Variants in GTF2IRD2 observed in about 807,000 individuals in gnomAD.
GTF2IRD2 encodes GTF2I repeat domain containing 2, also known as general transcription factor II-I repeat domain-containing protein 2A.
GTF2IRD2 carries 8 observed loss-of-function variants against 49.2 expected under a neutral mutation model. That is an observed-to-expected ratio of 0.16 (90% confidence interval 0.10 to 0.29). The LOEUF (loss-of-function observed/expected upper bound fraction) is 0.29, where lower values mean the gene tolerates loss of function less well. Among genes scored for constraint, GTF2IRD2 ranks in the 10% least tolerant of loss-of-function variants. The pLI is 1.00. For synonymous variants in GTF2IRD2, 47 were observed against 289.7 expected, an observed-to-expected ratio of 0.16 and a Z score of 8.51; for missense variants, 130 against 725.7, an observed-to-expected ratio of 0.18 and a Z score of 9.43.
At chr7:74,830,650 T>C (rs1428924402) in intron 3 of GTF2IRD2, among the ~76,000 whole-genome samples, 1 of 137,440 alleles carries the variant, frequency 7.3e-6, no homozygotes, top group African/African-American at 2.7e-5. Context: ...TTCTCACTTG[T>C]AAGTGGGAGC....
At chr7:74,799,960 T>G (rs1584383894) in intron 15 of GTF2IRD2, among the ~76,000 whole-genome samples, 1 of 119,304 alleles carries the variant, frequency 8.4e-6, no homozygotes, top group African/African-American at 3.3e-5. Context: ...GGCATGGCAG[T>G]GCTGTCCCAG....
chr7:74,821,864 T>C (rs1377294119), intron 6 of GTF2IRD2: 1 of 87,486 alleles, frequency 1.1e-5, no homozygotes, highest in African/African-American at 6.3e-5. Flanking sequence ...AATTTTTTTT[T>C]TTTAATAGCT....
rs1799210040 is a variant in GTF2IRD2, at chr7:74,824,646, C to A, written c.358+287G>T. On this transcript the variant is annotated intron_variant, in intron 4 of 15. Transcript: ENST00000451013. ...CGGTGGTTCACGCCTATAATCCCAGCATTTTGGGAGGCCAAGGCAGGCGGA... is the reference window on the plus strand; with the variant it reads ...CGGTGGTTCACGCCTATAATCCCAGAATTTTGGGAGGCCAAGGCAGGCGGA... Among the ~76,000 whole-genome samples, 2 of 32,796 alleles carry A rather than the reference C, an allele frequency of 6.1e-5. 1 individual carries two copies. The highest frequency in any genetic ancestry group is 4.3e-4 in the African/African-American group (2 of 4,618). 21.5% of individuals were successfully genotyped at this position (32,796 alleles called of 152,430 possible).
intron 2 of GTF2IRD2, among the ~76,000 whole-genome samples, chr7:74,834,825 C>G (rs1326311040): frequency 1.1e-5 from 1 of 91,528 alleles, no homozygotes; most frequent in Non-Finnish European, 1.9e-5. Context: ...CTTTCCATCT[C>G]AGCACCCCAA....
intron 15 of GTF2IRD2, among the ~76,000 whole-genome samples, chr7:74,800,135 CA>C (rs1174726035): frequency 8.0e-6 from 1 of 125,182 alleles, no homozygotes; most frequent in South Asian, 2.7e-4. Context: ...TATAAAAGAT[CA>C]AAAAATCATT....
chr7:74,830,522 C>T (rs1201907247), intron 3 of GTF2IRD2, among the ~76,000 whole-genome samples: 50 of 146,162 alleles, frequency 3.4e-4, no homozygotes, highest in East Asian at 1.8e-3. Flanking sequence ...AAAACAAAAA[C>T]GAAAAACCTG....
intron 1 of GTF2IRD2, among the ~76,000 whole-genome samples, chr7:74,842,651 T>C (rs1363340507): frequency 6.2e-5 from 9 of 145,628 alleles, no homozygotes; most frequent in Non-Finnish European, 1.0e-4. Flanking sequence ...CTTGACCTCC[T>C]GGGCTCAAGC....
Position 74,851,359 on chromosome 7 carries a change from G to A in GTF2IRD2, c.-6+8C>T, listed in dbSNP as rs1319445076. Reference sequence around the variant, plus strand: ...TGGCGGCGTCGGCGGCGGGGGCGGGGTACGCACCTGAGGGCGCTGGGCCGC... The same window carrying A: ...TGGCGGCGTCGGCGGCGGGGGCGGGATACGCACCTGAGGGCGCTGGGCCGC... On this transcript the variant is annotated splice_region_variant and intron_variant, in intron 1 of 15. Transcript: ENST00000451013. 2 of 47,640 alleles carry A rather than the reference G, an allele frequency of 4.2e-5. 1 individual carries two copies. Among genetic ancestry groups the A allele is most frequent in the Non-Finnish European group, 7.3e-5 (2 of 27,498 alleles). 3.0% of individuals were successfully genotyped at this position (47,640 alleles called of 1,614,324 possible).
chr7:74,796,591 C>T lies in GTF2IRD2; in HGVS notation c.*71G>A, dbSNP rs2131615906. 4.1e-6 allele frequency: 3 copies of T among 727,984 alleles called. No individual in the cohort carries two copies. Among genetic ancestry groups the T allele is most frequent in the Non-Finnish European group, 7.5e-6 (3 of 400,790 alleles). The allele number at this position is 727,984 out of a possible 1,614,324, so 45.1% of individuals were successfully genotyped here. A position where few individuals can be genotyped will look rare whatever the true frequency, so the allele number is the denominator to read the frequency against. ...AAGAAAAAAAAATTCATTTTGTCATCTCCCAATCCCTTGGGACTAGAAGAC... is the reference window on the plus strand; with the variant it reads ...AAGAAAAAAAAATTCATTTTGTCATTTCCCAATCCCTTGGGACTAGAAGAC... On this transcript the variant is annotated 3_prime_UTR_variant, in exon 16 of 16. Transcript: ENST00000451013.
In GTF2IRD2 at chr7:74,831,543, A is replaced by ACACACC. The variant is rs1204677476; in HGVS notation, c.238+1261_238+1262insGGTGTG. ...CACACACACACACACACACACACAC[A>ACACACC]CCCTTATACCCTCTGACGAACCTTT... On this transcript the variant is annotated intron_variant, in intron 3 of 15. Coordinates refer to ENST00000451013, the MANE Select transcript of GTF2IRD2 (RefSeq NM_173537.5). 1.0e-3 allele frequency among the ~76,000 whole-genome samples: 145 copies of ACACACC among 140,862 alleles called. 1 individual carries two copies. In the Middle Eastern group the frequency reaches 0.011, roughly 11 times the overall value. The allele number at this position is 140,862 out of a possible 152,430, so 92.4% of individuals were successfully genotyped here.
intron 11 of GTF2IRD2, 160 bp from the exon 12 acceptor site, chr7:74,807,171 G>C (rs1554417345): frequency 2.0e-5 from 1 of 51,146 alleles, no homozygotes; most frequent in African/African-American, 1.0e-4. Flanking sequence ...AGGCTGGAGT[G>C]CAGTGGTGTG....
At chr7:74,829,890 A>AAAAACAAAAAAAAC (rs1167564000) in intron 3 of GTF2IRD2, among the ~76,000 whole-genome samples, 2 of 82,548 alleles carry the variant, frequency 2.4e-5, no homozygotes, top group Non-Finnish European at 5.5e-5. Context: ...TCTGTCTCAA[A>AAAAACAAAAAAAAC]AAAAAAAAAA....
At chr7:74,841,539 C>T (rs1244615823) in intron 1 of GTF2IRD2, among the ~76,000 whole-genome samples, 2 of 136,196 alleles carry the variant, frequency 1.5e-5, no homozygotes, top group Admixed American at 1.4e-4. Context: ...TTGATCATGG[C>T]TCCCTGCAGC....
intron 1 of GTF2IRD2, among the ~76,000 whole-genome samples, chr7:74,841,460 AGCCT>A (rs1368229468): frequency 4.5e-5 from 6 of 132,632 alleles, no homozygotes; most frequent in South Asian, 4.8e-4. Flanking sequence ...TGAGCCACTG[AGCCT>A]GGTCAGCTTT....
At chr7:74,822,025 C>T (rs1798933031) in intron 6 of GTF2IRD2, 5 of 344,196 alleles carry the variant, frequency 1.5e-5, no homozygotes, top group South Asian at 1.2e-4. Flanking sequence ...CTCTAAGTTC[C>T]CTCCCCTCAC....
chr7:74,847,284 C>T (rs1416519857), intron 1 of GTF2IRD2, among the ~76,000 whole-genome samples: 1 of 28,568 alleles, frequency 3.5e-5, no homozygotes, highest in Non-Finnish European at 6.4e-5. Context: ...CACACTGAGC[C>T]GCAGGGCTTG....
At chr7:74,825,630 C>A (rs1431258395) in intron 3 of GTF2IRD2, among the ~76,000 whole-genome samples, 5 of 147,586 alleles carry the variant, frequency 3.4e-5, no homozygotes, top group African/African-American at 1.2e-4. Flanking sequence ...TACCCCTGAA[C>A]CCATTCAAGA....
chr7:74,827,050 T>C (rs1175094962), intron 3 of GTF2IRD2, among the ~76,000 whole-genome samples: 14 of 151,602 alleles, frequency 9.2e-5, no homozygotes, highest in African/African-American at 2.9e-4. Context: ...TCCCATAGTG[T>C]ACGTACCACA....
chr7:74,836,490 G>A, intron 1 of GTF2IRD2, 107 bp from the exon 2 acceptor site: 1 of 820,492 alleles, frequency 1.2e-6, no homozygotes, highest in South Asian at 1.5e-5. Context: ...TTCCTCTTGA[G>A]ATGAAGAAAC....
Sources: allele counts gnomAD v4.1 joint callset (sites outside exome capture counted in the v4.1 genomes callset), GRCh38; gene constraint gnomAD v4.1.1; transcripts MANE v1.5; gene names NCBI Gene and HGNC (gene_info 2026-07-23, HGNC 2026-07-21).